PPP4R3A: variants seen among roughly 807,000 people sequenced by gnomAD.
PPP4R3A encodes serine/threonine-protein phosphatase 4 regulatory subunit 3A.
A neutral mutation model predicts 91.7 loss-of-function variants in PPP4R3A; 15 were observed. The ratio of observed to expected loss-of-function variants is 0.16; its 90% CI spans 0.11 to 0.25. PPP4R3A has a LOEUF of 0.25. Ranked by LOEUF, PPP4R3A falls within the 10% of genes least tolerant of loss-of-function variation. The pLI is 1.00. For synonymous variants in PPP4R3A, 377 were observed against 348.7 expected (o/e 1.08, Z -0.91); for missense variants, 623 against 998.4 (o/e 0.62, Z 5.07).
chr14:91,472,919 G>A, intron 9 of PPP4R3A, 114 bp downstream of exon 9: 1 of 847,750 alleles, frequency 1.2e-6, no homozygotes, highest in South Asian at 1.7e-5. Flanking sequence ...TAAAAGGTGT[G>A]TCCTCCCAGC....
rs1184606911 is a variant in PPP4R3A at position 91,486,919 on chromosome 14, A to AT, written c.199-1190_199-1189insA. ...AACTCTGTCTCCAAAAAAAAAAAAA[A>AT]AAAAATAGAGAGTCAAAATATTTAT... is the stretch of plus-strand genomic sequence containing the variant. On this transcript the variant is annotated intron_variant, in intron 2 of 14. Coordinates refer to ENST00000554943, the MANE Select transcript of PPP4R3A (RefSeq NM_001366432.2). Among the ~76,000 whole-genome samples, 638 of 128,772 alleles carry AT rather than the reference A, an allele frequency of 5.0e-3. 4 individuals are homozygous for AT. The highest frequency in any genetic ancestry group is 0.014 in the South Asian group (62 of 4,276). 84.5% of individuals were successfully genotyped at this position (128,772 alleles called of 152,430 possible). A position where few individuals can be genotyped will look rare whatever the true frequency, so the allele number is the denominator to read the frequency against.
intron 1 of PPP4R3A, among the ~76,000 whole-genome samples, chr14:91,499,807 C>T (rs1033270048): frequency 7.8e-5 from 10 of 127,544 alleles, no homozygotes; most frequent in South Asian, 5.1e-4. Flanking sequence ...GGTGACAGAG[C>T]GAGACTCCAC....
chr14:91,504,406 G>C (rs148366801), intron 1 of PPP4R3A, among the ~76,000 whole-genome samples: 1 of 150,908 alleles, frequency 6.6e-6, no homozygotes. Flanking sequence ...GTTCGAGATC[G>C]GCCTGGCCAA....
At chr14:91,507,506 C>T (rs1304591388) in intron 1 of PPP4R3A, among the ~76,000 whole-genome samples, 10 of 136,588 alleles carry the variant, frequency 7.3e-5, no homozygotes, top group African/African-American at 2.9e-4. Context: ...AGAATATATG[C>T]TATAATTATA....
chr14:91,491,964 A>G (rs1453595356), intron 1 of PPP4R3A, among the ~76,000 whole-genome samples: 2 of 152,144 alleles, frequency 1.3e-5, no homozygotes, highest in East Asian at 3.9e-4. Context: ...TTGGCCTCCC[A>G]AAGTGCTGGG....
intron 1 of PPP4R3A, among the ~76,000 whole-genome samples, chr14:91,492,710 G>C (rs896344555): frequency 7.8e-6 from 1 of 128,710 alleles, no homozygotes; most frequent in Non-Finnish European, 1.7e-5. Flanking sequence ...CCATTTCTTT[G>C]GGCTTTTTTT....
At chr14:91,467,533 T>C (rs1042157975) in intron 10 of PPP4R3A, among the ~76,000 whole-genome samples, 5 of 152,228 alleles carry the variant, frequency 3.3e-5, no homozygotes, top group African/African-American at 1.2e-4. Flanking sequence ...GATAATTGAA[T>C]AAATGCCTCT....
intron 11 of PPP4R3A, among the ~76,000 whole-genome samples, chr14:91,463,223 G>A (rs939918004): frequency 2.0e-5 from 3 of 151,230 alleles, no homozygotes; most frequent in African/African-American, 2.4e-5. Context: ...GCACCACCAC[G>A]CCTGGCTAAT....
rs186218680 is a variant in PPP4R3A at position 91,462,706 on chromosome 14, C to G, written c.1973+29G>C. ...CACTACCATACGACTTGATGCTGAA[C>G]GAATAGGTTTAAATATATGGTAATT... On this transcript the variant is annotated intron_variant, in intron 12 of 14. Transcript: ENST00000554943. The G allele has an allele frequency of 3.8e-4, 617 of 1,612,314 alleles. 5 individuals are homozygous for G. In the African/African-American group the frequency reaches 7.6e-3, roughly 20 times the overall value.
chr14:91,504,170 GA>G (rs74926061), intron 1 of PPP4R3A, among the ~76,000 whole-genome samples: 72,369 of 148,518 alleles, frequency 0.49, 18,067 homozygotes, highest in Admixed American at 0.53. Flanking sequence ...TTAAAAAAAA[GA>G]AAAAAAAAAT....
chr14:91,475,246 A>G (rs1889116671), intron 7 of PPP4R3A: 2 of 152,366 alleles, frequency 1.3e-5, no homozygotes, highest in Admixed American at 6.5e-5. Flanking sequence ...GTGCTCTCAC[A>G]TGTCACGCAC....
At chr14:91,458,986 G>T in intron 14 of PPP4R3A, 117 bp from the exon 15 acceptor site, 1 of 1,205,268 alleles carries the variant, frequency 8.3e-7, no homozygotes, top group Non-Finnish European at 1.1e-6. Context: ...GGTTATTTCT[G>T]GGTGGTGGGA....
In PPP4R3A at chr14:91,495,302, A is replaced by ATGTGTGTGTGTGTGTGTGGGTG. The variant is rs1555437570; in HGVS notation, c.143-4501_143-4500insCACCCACACACACACACACACA. ...AAAATACCACATGTCCAGATACATAATGTGTGTGTGTGTGTGTGTGTGTAT... is the reference window on the plus strand; with the variant it reads ...AAAATACCACATGTCCAGATACATAATGTGTGTGTGTGTGTGTGGGTGTGTGTGTGTGTGTGTGTGTGTGTAT... On this transcript the variant is annotated intron_variant, in intron 1 of 14. Transcript: ENST00000554943. Among the ~76,000 whole-genome samples the ATGTGTGTGTGTGTGTGTGGGTG allele has an allele frequency of 1.6e-4, 23 of 140,870 alleles. No homozygotes were observed. The Admixed American group carries it at 1.7e-3, about 10-fold the overall frequency. The allele number at this position is 140,870 out of a possible 152,430, so 92.4% of individuals were successfully genotyped here.
chr14:91,472,822 AAAC>A (rs1228099772), intron 9 of PPP4R3A, among the ~76,000 whole-genome samples: 1 of 111,372 alleles, frequency 9.0e-6, no homozygotes, highest in Non-Finnish European at 1.8e-5. Flanking sequence ...CTTTTGATAA[AAAC>A]AACCAACCAA....
At chr14:91,505,718 G>A (rs971378628) in intron 1 of PPP4R3A, among the ~76,000 whole-genome samples, 1 of 152,142 alleles carries the variant, frequency 6.6e-6, no homozygotes, top group African/African-American at 2.4e-5. Context: ...ACACAATAAT[G>A]ACTAGGTCTA....
intron 1 of PPP4R3A, among the ~76,000 whole-genome samples, chr14:91,501,398 G>A (rs928389245): frequency 5.3e-5 from 8 of 152,046 alleles, no homozygotes; most frequent in African/African-American, 1.9e-4. Context: ...CTTAAGGCAG[G>A]GACTTATGTA....
chr14:91,472,467 T>G (rs918589120), intron 9 of PPP4R3A, among the ~76,000 whole-genome samples: 43 of 150,290 alleles, frequency 2.9e-4, no homozygotes, highest in African/African-American at 4.9e-4. Context: ...TGTTTTTTTT[T>G]TTTTTTTTTT....
intron 4 of PPP4R3A, among the ~76,000 whole-genome samples, chr14:91,479,287 AAAC>A (rs541759335): frequency 1.1e-3 from 150 of 131,926 alleles, no homozygotes; most frequent in Non-Finnish European, 2.0e-3. Flanking sequence ...AAAGAATAAA[AAAC>A]AACGTGTGTG....
chr14:91,506,701 C>T (rs543034182), intron 1 of PPP4R3A, among the ~76,000 whole-genome samples: 2 of 152,294 alleles, frequency 1.3e-5, no homozygotes, highest in Non-Finnish European at 2.9e-5. Context: ...CAGGCCCGTG[C>T]CACCGCACCA....
Sources: allele counts gnomAD v4.1 joint callset (sites outside exome capture counted in the v4.1 genomes callset), GRCh38; gene constraint gnomAD v4.1.1; transcripts MANE v1.5; gene names NCBI Gene and HGNC (gene_info 2026-07-23, HGNC 2026-07-21).